Variants in IGF1R observed in about 807,000 individuals in gnomAD.
IGF1R encodes insulin-like growth factor 1 receptor.
In IGF1R, 44 loss-of-function variants were observed where a neutral mutation model predicts 144.6. The ratio of observed to expected loss-of-function variants is 0.30; its 90% CI spans 0.24 to 0.39. The LOEUF is 0.39. Ranked by LOEUF, IGF1R falls within the 10% of genes least tolerant of loss-of-function variation. IGF1R has a pLI of 1.00. For missense variants in IGF1R, 1,355 were observed against 1,833.7 expected, an observed-to-expected ratio of 0.74 and a Z score of 4.77; for synonymous variants, 795 against 722.8, an observed-to-expected ratio of 1.10 and a Z score of -1.60.
At chr15:98,860,250 C>G (rs1478590204) in intron 2 of IGF1R, among the ~76,000 whole-genome samples, 1 of 152,242 alleles carries the variant, frequency 6.6e-6, no homozygotes, top group Non-Finnish European at 1.5e-5. Context: ...AAAAATAAGT[C>G]ATGATTTTCG....
At chr15:98,871,749 G>T (rs1248138946) in intron 2 of IGF1R, among the ~76,000 whole-genome samples, 1 of 152,148 alleles carries the variant, frequency 6.6e-6, no homozygotes, top group Admixed American at 6.5e-5. Context: ...TAACAGCAAG[G>T]GAAAAACCCA....
chr15:98,865,413 C>T (rs2012375914), intron 2 of IGF1R, among the ~76,000 whole-genome samples: 1 of 152,226 alleles, frequency 6.6e-6, no homozygotes, highest in African/African-American at 2.4e-5. Flanking sequence ...GGATCGCTGG[C>T]TGGGCTCCTG....
At chr15:98,820,297 A>C (rs1398401481) in intron 2 of IGF1R, among the ~76,000 whole-genome samples, 1 of 152,214 alleles carries the variant, frequency 6.6e-6, no homozygotes, top group East Asian at 1.9e-4. Flanking sequence ...TGTTCTAAAC[A>C]GCAGAATATT....
At chr15:98,904,475 A>G (rs2014634442) in intron 5 of IGF1R, among the ~76,000 whole-genome samples, 1 of 152,240 alleles carries the variant, frequency 6.6e-6, no homozygotes, top group Non-Finnish European at 1.5e-5. Context: ...CTAGATAGAC[A>G]TATCCACCCT....
chr15:98,669,305 A>G (rs532913654), intron 1 of IGF1R, among the ~76,000 whole-genome samples: 1 of 152,324 alleles, frequency 6.6e-6, no homozygotes, highest in East Asian at 1.9e-4. Flanking sequence ...GTGTGCTTAA[A>G]TGAAGGGTAT....
chr15:98,891,714 C>T lies in IGF1R; in HGVS notation c.953+77C>T, dbSNP rs2013932555. ...CCTAGCACACAAAGGTAGACTCTGT[C>T]GGTTGTTTCATCCGGGTGCAGCCCT... On this transcript the variant is annotated intron_variant, in intron 3 of 20. Transcript: ENST00000650285. The surrounding 1 kb of genome is among the most constrained non-coding windows in gnomAD (Gnocchi z 4.7). The T allele has an allele frequency of 1.3e-5, 18 of 1,439,188 alleles. No individual in the cohort carries two copies. Among genetic ancestry groups the T allele is most frequent in the Non-Finnish European group, 1.7e-5 (18 of 1,047,540 alleles). 89.2% of individuals were successfully genotyped at this position (1,439,188 alleles called of 1,614,324 possible). A position where few individuals can be genotyped will look rare whatever the true frequency, so the allele number is the denominator to read the frequency against.
intron 2 of IGF1R, among the ~76,000 whole-genome samples, chr15:98,860,897 G>A (rs993104534): frequency 4.6e-5 from 7 of 152,218 alleles, no homozygotes; most frequent in Non-Finnish European, 1.0e-4. Context: ...GGCAGTAAGT[G>A]AAACCAAGCT....
rs1002796046 is a variant in IGF1R, at chr15:98,911,550, C to T, written c.1589+109C>T. 14 of 1,452,704 alleles carry T rather than the reference C, an allele frequency of 9.6e-6. No homozygotes were observed. The African/African-American group carries it at 1.9e-4, about 20-fold the overall frequency. The allele number at this position is 1,452,704 out of a possible 1,614,324, so 90.0% of individuals were successfully genotyped here. ...GCTGAATACAGGGGGTCAGCAGAGT[C>T]CCCAGGGAGAGCCACGCCAAACATC... On this transcript the variant is annotated intron_variant, in intron 7 of 20. Coordinates refer to ENST00000650285, the MANE Select transcript of IGF1R (RefSeq NM_000875.5).
rs144947320 is a variant in IGF1R, at chr15:98,962,041, C to T, written c.*4599C>T. The T allele has an allele frequency of 5.8e-3, 1,345 of 233,360 alleles. 7 individuals are homozygous for T. Among genetic ancestry groups the T allele is most frequent in the Middle Eastern group, 0.017 (13 of 784 alleles). The allele number at this position is 233,360 out of a possible 1,614,324, so 14.5% of individuals were successfully genotyped here. On this transcript the variant is annotated 3_prime_UTR_variant, in exon 21 of 21. Coordinates refer to ENST00000650285, the MANE Select transcript of IGF1R (RefSeq NM_000875.5). ...GCACCAGATTCTAGGCCAGTTTGTT[C>T]CACTGAAGCTTTTCCCACAGCAGTC...
chr15:98,859,126 T>G (rs920670031), intron 2 of IGF1R, among the ~76,000 whole-genome samples: 9 of 151,122 alleles, frequency 6.0e-5, no homozygotes, highest in Admixed American at 2.0e-4. Flanking sequence ...TAGAAACACA[T>G]CCAGTTTGAG....
chr15:98,880,999 A>C (rs370228364), intron 2 of IGF1R: 2 of 152,200 alleles, frequency 1.3e-5, no homozygotes, highest in East Asian at 1.9e-4. Flanking sequence ...TATTTTCTTC[A>C]TCAATTCATG....
At chr15:98,878,679 A>AC (rs1555456072) in intron 2 of IGF1R, among the ~76,000 whole-genome samples, 2 of 98,604 alleles carry the variant, frequency 2.0e-5, no homozygotes, top group Admixed American at 2.5e-4. Flanking sequence ...AAAAAAAAAA[A>AC]AAAAAAAAAA....
intron 2 of IGF1R, among the ~76,000 whole-genome samples, chr15:98,885,112 G>A (rs1294205008): frequency 6.6e-6 from 1 of 152,162 alleles, no homozygotes; most frequent in Non-Finnish European, 1.5e-5. Flanking sequence ...CCCCTGGCAG[G>A]CAGCCCTAAG....
chr15:98,849,326 A>C (rs150442102), intron 2 of IGF1R, among the ~76,000 whole-genome samples: 1,716 of 152,382 alleles, frequency 0.011, 19 homozygotes, highest in Middle Eastern at 0.037. Flanking sequence ...TGGGGCATGT[A>C]AATTATGGCC....
intron 2 of IGF1R, among the ~76,000 whole-genome samples, chr15:98,751,371 TA>T (rs928754110): frequency 3.4e-5 from 5 of 147,976 alleles, no homozygotes; most frequent in Admixed American, 2.7e-4. Flanking sequence ...AGGTAATTTC[TA>T]AAAAAAAAAG....
chr15:98,667,571 T>G (rs2141189501), intron 1 of IGF1R, among the ~76,000 whole-genome samples: 1 of 152,314 alleles, frequency 6.6e-6, no homozygotes, highest in East Asian at 1.9e-4. Context: ...AGATACTCTC[T>G]GGGGCTATTT....
Position 98,959,441 on chromosome 15 carries a change from G to A in IGF1R, c.*1999G>A, listed in dbSNP as rs375489999. 3.0e-5 allele frequency: 7 copies of A among 233,906 alleles called. No homozygotes were observed. The South Asian group carries it at 5.4e-4, about 18-fold the overall frequency. 14.5% of individuals were successfully genotyped at this position (233,906 alleles called of 1,614,324 possible). A position where few individuals can be genotyped will look rare whatever the true frequency, so the allele number is the denominator to read the frequency against. The stretch of plus-strand genomic sequence containing the variant: ...CCCAAGGGAACTCCTTCGCACTGGC[G>A]TTGAGTGGGACCCCGGGATCCAGGC... On this transcript the variant is annotated 3_prime_UTR_variant, in exon 21 of 21. Coordinates refer to ENST00000650285, the MANE Select transcript of IGF1R (RefSeq NM_000875.5).
chr15:98,845,335 C>T (rs967622478), intron 2 of IGF1R, among the ~76,000 whole-genome samples: 1 of 151,888 alleles, frequency 6.6e-6, no homozygotes, highest in Non-Finnish European at 1.5e-5. Flanking sequence ...GTCAGTCGGG[C>T]TGTGTCTCTC....
chr15:98,653,999 A>G (rs535734867), intron 1 of IGF1R, among the ~76,000 whole-genome samples: 72 of 152,374 alleles, frequency 4.7e-4, no homozygotes, highest in Non-Finnish European at 9.4e-4. Flanking sequence ...TACTCAGTGC[A>G]TGAACCTGCA....
Sources: allele counts gnomAD v4.1 joint callset (sites outside exome capture counted in the v4.1 genomes callset), GRCh38; gene constraint gnomAD v4.1.1; non-coding constraint Gnocchi (gnomAD v3.1); transcripts MANE v1.5; gene names NCBI Gene and HGNC (gene_info 2026-07-23, HGNC 2026-07-21).